CYP11A1: variants seen among roughly 807,000 people sequenced by gnomAD.
The protein encoded by CYP11A1 is cholesterol side-chain cleavage enzyme, mitochondrial.
A neutral mutation model predicts 51.9 loss-of-function variants in CYP11A1; 25 were observed. The ratio of observed to expected loss-of-function variants is 0.48; its 90% CI spans 0.35 to 0.67. CYP11A1 has a LOEUF of 0.67. Ranked by LOEUF, CYP11A1 falls within the 30% of genes least tolerant of loss-of-function variation. The probability of loss-of-function intolerance (pLI) is 0.00; values close to 1 mark genes in which losing one functional copy is unlikely to be tolerated. For missense variants in CYP11A1, 578 were observed against 680.9 expected (o/e 0.85, Z 1.68); for synonymous variants, 245 against 262.1 (o/e 0.93, Z 0.63).
At chr15:74,339,776 G>T in intron 5 of CYP11A1, 23 bp from the exon 6 acceptor site, 1 of 1,613,704 alleles carries the variant, frequency 6.2e-7, no homozygotes, top group Non-Finnish European at 8.5e-7. Context: ...AGGGTATACA[G>T]AAGACCAGGA....
At chr15:74,338,889 A>G in intron 7 of CYP11A1, 121 bp from the exon 8 acceptor site, 1 of 913,896 alleles carries the variant, frequency 1.1e-6, no homozygotes, top group Non-Finnish European at 1.7e-6. Flanking sequence ...ATGGCTGCCC[A>G]GCTCTCCAGG....
intron 5 of CYP11A1, among the ~76,000 whole-genome samples, chr15:74,341,917 T>C (rs964470301): frequency 2.0e-5 from 3 of 152,172 alleles, no homozygotes; most frequent in Admixed American, 6.5e-5. Context: ...AAGAGGCCTT[T>C]AGAATGCACC....
At chr15:74,353,229 AG>A (rs2060663862) in intron 1 of CYP11A1, among the ~76,000 whole-genome samples, 1 of 152,256 alleles carries the variant, frequency 6.6e-6, no homozygotes, top group South Asian at 2.1e-4. Flanking sequence ...GAAACAATGT[AG>A]TAAGGAACCA....
intron 5 of CYP11A1, among the ~76,000 whole-genome samples, chr15:74,340,419 C>G (rs994741446): frequency 6.6e-6 from 1 of 152,194 alleles, no homozygotes; most frequent in Non-Finnish European, 1.5e-5. Flanking sequence ...TGATGACAAA[C>G]CAGGCCCGTT....
In CYP11A1 at chr15:74,339,294, G is replaced by T; in HGVS notation, c.1179C>A (p.Thr393=). Residue 393 remains threonine (T), a synonymous_variant, in exon 7 of 9, where the codon ACC becomes ACA. Coordinates refer to ENST00000268053, the MANE Select transcript of CYP11A1 (RefSeq NM_000781.3). ...AGTCATTTACAAGATATCTCTGCAG[G>T]GTCACGGAGATGGGGTGAAGTCTGC... is the stretch of plus-strand genomic sequence containing the variant. ...ETLRLHPISV[T]LQRYLVNDLV... is the part of the protein sequence containing the mutation. The T allele has an allele frequency of 6.2e-7, 1 of 1,614,170 alleles. No homozygotes were observed. The highest frequency in any genetic ancestry group is 1.1e-5 in the South Asian group (1 of 91,080).
chr15:74,354,396 A>C, intron 1 of CYP11A1: 1 of 151,464 alleles, frequency 6.6e-6, no homozygotes, highest in Admixed American at 6.6e-5. Flanking sequence ...TCCATTACCT[A>C]CCCAAATCCT....
At chr15:74,344,167 G>A (rs896339587) in intron 3 of CYP11A1, among the ~76,000 whole-genome samples, 175 bp from the exon 4 acceptor site, 3 of 152,108 alleles carry the variant, frequency 2.0e-5, no homozygotes, top group African/African-American at 7.2e-5. Context: ...AAGATGCAAG[G>A]CTGAGAAAGC....
At chr15:74,338,918 TG>T in intron 7 of CYP11A1, 150 bp from the exon 8 acceptor site, 2 of 774,982 alleles carry the variant, frequency 2.6e-6, no homozygotes, top group Non-Finnish European at 4.4e-6. Flanking sequence ...TTCTGCCCAC[TG>T]TGCAGCCTTG....
chr15:74,347,555 A>G (rs766450216), intron 2 of CYP11A1, among the ~76,000 whole-genome samples: 10 of 152,192 alleles, frequency 6.6e-5, no homozygotes, highest in Admixed American at 1.3e-4. Context: ...TCTATTTGTC[A>G]CTGTATCTCC....
intron 1 of CYP11A1, chr15:74,362,491 A>G (rs1217891227): frequency 6.4e-6 from 1 of 155,434 alleles, no homozygotes; most frequent in Non-Finnish European, 1.4e-5. Context: ...AATCTGCTGG[A>G]AACATCAGAG....
intron 8 of CYP11A1, 57 bp downstream of exon 8, chr15:74,338,514 G>A: frequency 6.5e-7 from 1 of 1,546,132 alleles, no homozygotes; most frequent in Non-Finnish European, 8.9e-7. Context: ...GAAGATTGGT[G>A]CCTTCATTAG....
At chr15:74,357,722 C>T (rs775353085) in intron 1 of CYP11A1, among the ~76,000 whole-genome samples, 16 of 152,326 alleles carry the variant, frequency 1.1e-4, no homozygotes, top group Non-Finnish European at 1.8e-4. Context: ...GGACCGCGCC[C>T]GGCAGCCTTT....
intron 1 of CYP11A1, among the ~76,000 whole-genome samples, chr15:74,359,783 G>A (rs1483580758): frequency 6.6e-6 from 1 of 152,194 alleles, no homozygotes; most frequent in African/African-American, 2.4e-5. Flanking sequence ...GGACACGCGT[G>A]AAAGAGAGAA....
rs761496946 is a variant in CYP11A1 at position 74,339,222 on chromosome 15, G to C, written c.1236+15C>G. 3.7e-6 allele frequency: 6 copies of C among 1,608,166 alleles called. No individual in the cohort carries two copies. The highest frequency in any genetic ancestry group is 2.2e-5 in the South Asian group (2 of 90,920). The stretch of plus-strand genomic sequence containing the variant: ...CTCTGACTGGCAGAGCCTGCAGCCT[G>C]CTGGCTGCACCTACCTTGGCAGGAA... On this transcript the variant is annotated intron_variant, in intron 7 of 8. Coordinates refer to ENST00000268053, the MANE Select transcript of CYP11A1 (RefSeq NM_000781.3).
intron 1 of CYP11A1, chr15:74,367,044 CT>C (rs2060736546): frequency 2.0e-6 from 1 of 503,164 alleles, no homozygotes; most frequent in African/African-American, 1.9e-5. Flanking sequence ...CATTAAAGAG[CT>C]TCCTTACAGA....
rs139632770 is a variant in CYP11A1, at chr15:74,342,184, G to A, written c.990+793C>T. Among the ~76,000 whole-genome samples the A allele has an allele frequency of 1.9e-4, 29 of 152,298 alleles. No individual in the cohort carries two copies. The East Asian group carries it at 5.6e-3, about 29-fold the overall frequency. On this transcript the variant is annotated intron_variant, in intron 5 of 8. Coordinates refer to ENST00000268053, the MANE Select transcript of CYP11A1 (RefSeq NM_000781.3). ...CACAATCTCTGCCTCACGGGTTCAAGCGATTCTCCTGCCTCAGCCTCCTGA... is the reference window on the plus strand; with the variant it reads ...CACAATCTCTGCCTCACGGGTTCAAACGATTCTCCTGCCTCAGCCTCCTGA...
rs1168423904 is a variant in CYP11A1, at chr15:74,367,627, G to A, written c.-42C>T. 13 of 1,602,794 alleles carry A rather than the reference G, an allele frequency of 8.1e-6. No homozygotes were observed. Among genetic ancestry groups the A allele is most frequent in the Non-Finnish European group, 1.1e-5 (13 of 1,175,596 alleles). ...TGACTGTACCTGCTCCACTTCAGCG[G>A]GGACTGCTAGGATGACTGTAGCCCT... On this transcript the variant is annotated 5_prime_UTR_variant, in exon 1 of 9. Transcript: ENST00000268053.
rs747901197 is a variant in CYP11A1, at chr15:74,337,989, C to A, written c.1549G>T (p.Glu517Ter). The change falls in exon 9 of 9, where the codon GAA becomes TAA. Residue 517 changes from glutamate to a stop codon, truncating the protein, a stop_gained. Transcript: ENST00000268053. LOFTEE classifies it high-confidence loss of function. Reference protein sequence around the residue: ...ISFTFWPFNQEATQQ With the variant: ...ISFTFWPFNQ ...CTCTCTGATCACTGCTGGGTTGCTT[C>A]CTGGTTAAAGGGCCAGAAGGTGAAG... 6.2e-7 allele frequency: 1 copy of A among 1,614,100 alleles called. No individual in the cohort carries two copies. Among genetic ancestry groups the A allele is most frequent in the Admixed American group, 1.7e-5 (1 of 60,028 alleles).
intron 1 of CYP11A1, among the ~76,000 whole-genome samples, chr15:74,354,981 T>C (rs1405088522): frequency 2.0e-5 from 3 of 152,098 alleles, no homozygotes; most frequent in Admixed American, 6.6e-5. Context: ...GCCTTGATCC[T>C]TCACCCTTAG....
Sources: gnomAD v4.1 joint callset for allele counts (sites outside exome capture counted in the v4.1 genomes callset) on GRCh38, gnomAD v4.1.1 for gene constraint, MANE v1.5 for transcripts, NCBI Gene and HGNC (gene_info 2026-07-23, HGNC 2026-07-21) for gene names.